The following DNAH8 variants were observed in gnomAD, a reference collection of about 807,000 sequenced individuals.
DNAH8 encodes the protein dynein axonemal heavy chain 8.
Under a neutral mutation model 562.1 loss-of-function variants are expected in DNAH8, and 382 were observed. The observed-to-expected ratio is 0.68, with a 90% CI of 0.63 to 0.74. The LOEUF (loss-of-function observed/expected upper bound fraction) is 0.74, where lower values mean the gene tolerates loss of function less well. DNAH8 is among the 30% of genes least tolerant of loss of function. DNAH8 has a pLI of 0.00. For synonymous variants in DNAH8, 1,881 were observed against 1,919.4 expected (o/e 0.98, Z 0.52); for missense variants, 5,203 against 5,620.4 (o/e 0.93, Z 2.37).
At chr6:38,989,685 C>T (rs1764649008) in intron 87 of DNAH8, among the ~76,000 whole-genome samples, 2 of 152,106 alleles carry the variant, frequency 1.3e-5, no homozygotes, top group Admixed American at 6.5e-5. Flanking sequence ...GCCTCACAGA[C>T]TTTGCAGTAT....
Position 38,783,001 on chromosome 6 carries a change from C to A in DNAH8, c.2260-3C>A, listed in dbSNP as rs760253932. 3.1e-6 allele frequency: 5 copies of A among 1,608,562 alleles called. No homozygotes were observed. The highest frequency in any genetic ancestry group is 3.4e-5 in the Admixed American group (2 of 58,710). ...AAGTAAATCTTTTCCCTTAAAAAAA[C>A]AGAAAAACTCAGACATTTTATCAAG... On this transcript the variant is annotated splice_region_variant and splice_polypyrimidine_tract_variant and intron_variant, in intron 16 of 92. Transcript: ENST00000327475.
In DNAH8 at chr6:38,848,713, T is replaced by C; in HGVS notation, c.5111T>C (p.Ile1704Thr). ...TATAAATTGTCCACTTCCTCAGATATAATTGAAGAGTGGCTCGTAGTACAG... is the reference window on the plus strand; with the variant it reads ...TATAAATTGTCCACTTCCTCAGATACAATTGAAGAGTGGCTCGTAGTACAG... ...WVYKLSTSSD[I>T]IEEWLVVQNL... The change falls in exon 37 of 93, where the codon ATA (isoleucine) becomes ACA (threonine). Residue 1704 changes from isoleucine (I) to threonine (T), a missense_variant. By Grantham distance (89) the Ile-to-Thr change is moderately conservative. This residue lies in a region of DNAH8 where 2,176 missense variants were observed against 2,365.1 expected (regional missense o/e 0.92). Transcript: ENST00000327475. The C allele has an allele frequency of 6.2e-7, 1 of 1,612,356 alleles. No individual in the cohort carries two copies. Among genetic ancestry groups the C allele is most frequent in the Non-Finnish European group, 8.5e-7 (1 of 1,178,488 alleles).
chr6:38,783,108 C>T lies in DNAH8; in HGVS notation c.2364C>T (p.Ala788=). 2 of 1,613,956 alleles carry T rather than the reference C, an allele frequency of 1.2e-6. No individual in the cohort carries two copies. The highest frequency in any genetic ancestry group is 1.7e-6 in the Non-Finnish European group (2 of 1,179,904). Residue 788 remains alanine, a synonymous_variant, in exon 17 of 93, where the codon GCC becomes GCT. Coordinates refer to ENST00000327475, the MANE Select transcript of DNAH8 (RefSeq NM_001206927.2). ...AATTCGAGGTGGTCTATCACACAGC[C>T]TGGATCAGAGAGATTTCACAGTTGC... The part of the protein sequence containing the change: ...LVEFEVVYHT[A]WIREISQLHY...
intron 56 of DNAH8, among the ~76,000 whole-genome samples, chr6:38,884,308 T>TTAACATTAACTCGTCA (rs1410434733): frequency 6.6e-6 from 1 of 152,160 alleles, no homozygotes; most frequent in Non-Finnish European, 1.5e-5. Flanking sequence ...CATTTAACAT[T>TTAACATTAACTCGTCA]TTGAGACGGA....
intron 45 of DNAH8, among the ~76,000 whole-genome samples, chr6:38,865,623 ACT>A (rs2150416518): frequency 6.6e-6 from 1 of 152,000 alleles, no homozygotes; most frequent in East Asian, 1.9e-4. Context: ...GACTGAGTCA[ACT>A]CTCTTCAAAA....
At chr6:38,912,954 C>T (rs1781012969) in intron 66 of DNAH8, among the ~76,000 whole-genome samples, 2 of 152,148 alleles carry the variant, frequency 1.3e-5, no homozygotes, top group South Asian at 4.1e-4. Flanking sequence ...GGATTACAGG[C>T]ATGCGCCACC....
intron 1 of DNAH8, among the ~76,000 whole-genome samples, chr6:38,722,277 G>A (rs1362454677): frequency 6.6e-6 from 1 of 152,214 alleles, no homozygotes; most frequent in Non-Finnish European, 1.5e-5. Context: ...GCAGACAGTA[G>A]AATGTCTGAT....
chr6:39,026,184 C>G (rs1313313391), intron 91 of DNAH8, among the ~76,000 whole-genome samples: 1 of 152,200 alleles, frequency 6.6e-6, no homozygotes, highest in Non-Finnish European at 1.5e-5. Context: ...GAATATTTCA[C>G]CATTCCGATC....
chr6:38,989,327 A>AT (rs147559327), intron 87 of DNAH8, among the ~76,000 whole-genome samples: 100 of 151,356 alleles, frequency 6.6e-4, no homozygotes, highest in Non-Finnish European at 1.2e-3. Context: ...ATTTAGCATC[A>AT]TTTTTTTTTC....
intron 24 of DNAH8, among the ~76,000 whole-genome samples, chr6:38,813,717 T>C (rs985005733): frequency 2.0e-5 from 3 of 152,128 alleles, no homozygotes; most frequent in Non-Finnish European, 2.9e-5. Context: ...TAAAGAAGCA[T>C]ATAAAAGTAT....
intron 88 of DNAH8, among the ~76,000 whole-genome samples, chr6:39,005,513 C>CT (rs1218812474): frequency 1.3e-5 from 2 of 152,168 alleles, no homozygotes; most frequent in Non-Finnish European, 2.9e-5. Flanking sequence ...TATTATGTGT[C>CT]TTGTGATCAT....
At position 38,836,727 on chromosome 6, in the gene DNAH8, G is replaced by A. The variant is rs529975830; in HGVS notation, c.4366-1215G>A. On this transcript the variant is annotated intron_variant, in intron 32 of 92. Transcript: ENST00000327475. ...AACAGGTGCCAAAGGCTGGATGTGT[G>A]AAGGCAGAGGTGCCTTATATTGGGC... Among the ~76,000 whole-genome samples, 116 of 152,186 alleles carry A rather than the reference G, an allele frequency of 7.6e-4. 1 individual carries two copies. The highest frequency in any genetic ancestry group is 2.6e-3 in the African/African-American group (110 of 41,512).
At position 38,974,623 on chromosome 6, in the gene DNAH8, C is replaced by T. The variant is rs1030379247; in HGVS notation, c.12834+94C>T. ...CTTCCAGGAGGGTGCTATCCGTTGC[C>T]GCTCTGTCTCCTTACTCTCTTTTCC... is the stretch of plus-strand genomic sequence containing the variant. On this transcript the variant is annotated intron_variant, in intron 85 of 92. Transcript: ENST00000327475. 1.5e-5 allele frequency: 14 copies of T among 932,568 alleles called. No homozygotes were observed. In the Admixed American group the frequency reaches 2.3e-4, roughly 15 times the overall value. 57.8% of individuals were successfully genotyped at this position (932,568 alleles called of 1,614,324 possible). A position where few individuals can be genotyped will look rare whatever the true frequency, so the allele number is the denominator to read the frequency against.
chr6:38,770,175 GA>G (rs991977425), intron 11 of DNAH8, among the ~76,000 whole-genome samples: 1 of 117,504 alleles, frequency 8.5e-6, no homozygotes, highest in African/African-American at 2.7e-5. Context: ...TAATTGTCAT[GA>G]AAATGTAAAA....
Position 38,929,636 on chromosome 6 carries a change from GAATTTTATT to G in DNAH8, c.11247_11255del (p.Asn3749_Ile3751del). On this transcript the variant is annotated inframe_deletion, in exon 75 of 93. Coordinates refer to ENST00000327475, the MANE Select transcript of DNAH8 (RefSeq NM_001206927.2). ...CAGCCTTGGATAATGTATTAGAAAA[GAATTTTATT>G]AAATCTGGCACCACTTTCAAGGTGA... 6.6e-7 allele frequency: 1 copy of G among 1,515,362 alleles called. No homozygotes were observed. Among genetic ancestry groups the G allele is most frequent in the Non-Finnish European group, 8.8e-7 (1 of 1,137,922 alleles). The allele number at this position is 1,515,362 out of a possible 1,614,324, so 93.9% of individuals were successfully genotyped here.
At position 38,906,301 on chromosome 6, in the gene DNAH8, A is replaced by G; in HGVS notation, c.9242A>G (p.Lys3081Arg). 1 of 1,608,348 alleles carries G rather than the reference A, an allele frequency of 6.2e-7. No individual in the cohort carries two copies. Among genetic ancestry groups the G allele is most frequent in the Non-Finnish European group, 8.5e-7 (1 of 1,176,106 alleles). The change falls in exon 63 of 93, where the codon AAA becomes AGA. Residue 3081 changes from lysine to arginine, a missense_variant. Physicochemically the swap from Lys to Arg is conservative, Grantham distance 26 (BLOSUM62 2). Coordinates refer to ENST00000327475, the MANE Select transcript of DNAH8 (RefSeq NM_001206927.2). ...NLTDDLKALY[K>R]VAGADGKGIT... ...ACAGATGATTTAAAAGCTTTGTACA[A>G]AGTTGCTGGTGCTGATGGAAAAGGC...
chr6:38,939,848 G>A (rs2150598075), intron 79 of DNAH8, among the ~76,000 whole-genome samples: 1 of 152,294 alleles, frequency 6.6e-6, no homozygotes, highest in East Asian at 1.9e-4. Flanking sequence ...TGGCATTTGA[G>A]GTGGACCCTG....
In DNAH8 at chr6:38,778,458, T is replaced by G. The variant is rs775047700; in HGVS notation, c.2033T>G (p.Leu678Arg). ...ILSSQQALQLLQRFQKLNIPC... is the reference protein window; with the variant it reads ...ILSSQQALQLRQRFQKLNIPC... ...TCTTCTCAGCAGGCTCTTCAGCTAC[T>G]TCAAAGGTATTCATAACACTTTAAG... The change falls in exon 14 of 93, where the codon CTT becomes CGT. Residue 678 changes from leucine (L) to arginine (R), a missense_variant. This residue lies in a region of DNAH8 where 2,176 missense variants were observed against 2,365.1 expected (regional missense o/e 0.92). Coordinates refer to ENST00000327475, the MANE Select transcript of DNAH8 (RefSeq NM_001206927.2). 4 of 1,578,126 alleles carry G rather than the reference T, an allele frequency of 2.5e-6. No individual in the cohort carries two copies. In the Admixed American group the frequency reaches 6.8e-5, roughly 27 times the overall value.
Position 38,923,052 on chromosome 6 carries a change from C to T in DNAH8, c.10663-6C>T. ...TTTTTGAGACATTCTCCCATTATGG[C>T]TGCAGGATTTGCTTAATGACGCTGA... On this transcript the variant is annotated splice_region_variant and splice_polypyrimidine_tract_variant and intron_variant, in intron 71 of 92. Transcript: ENST00000327475. 1 of 1,611,114 alleles carries T rather than the reference C, an allele frequency of 6.2e-7. No homozygotes were observed. Among genetic ancestry groups the T allele is most frequent in the Non-Finnish European group, 8.5e-7 (1 of 1,178,922 alleles).
Sources: allele counts gnomAD v4.1 joint callset (sites outside exome capture counted in the v4.1 genomes callset), GRCh38; gene constraint gnomAD v4.1.1; regional missense constraint gnomAD v4.1.1; transcripts MANE v1.5; gene names NCBI Gene and HGNC (gene_info 2026-07-23, HGNC 2026-07-21).